RPH3A: variants seen among roughly 807,000 people sequenced by gnomAD.
RPH3A encodes rabphilin-3A.
In RPH3A, 48 loss-of-function variants were observed where a neutral mutation model predicts 102.2. The observed-to-expected ratio is 0.47, with a 90% CI of 0.37 to 0.60. RPH3A has a LOEUF of 0.60. RPH3A is among the 20% of genes least tolerant of loss of function. The probability of loss-of-function intolerance (pLI) is 0.00; values close to 1 mark genes in which losing one functional copy is unlikely to be tolerated. For missense variants in RPH3A, 781 were observed against 910.1 expected (o/e 0.86, Z 1.83); for synonymous variants, 310 against 324.3 (o/e 0.96, Z 0.47).
At chr12:112,865,655 G>T (rs936995458) in intron 6 of RPH3A, 112 bp downstream of exon 6, 1 of 1,185,944 alleles carries the variant, frequency 8.4e-7, no homozygotes, top group Non-Finnish European at 1.2e-6. Flanking sequence ...GGATCCTGAA[G>T]ATCACTTGCC....
chr12:112,862,673 G>A (rs903071762), intron 5 of RPH3A, among the ~76,000 whole-genome samples: 4 of 152,288 alleles, frequency 2.6e-5, no homozygotes, highest in African/African-American at 7.2e-5. Context: ...CTCCTCAAGC[G>A]GTTCTGTGCA....
chr12:112,732,452 T>C (rs1195256369), intron 1 of RPH3A, among the ~76,000 whole-genome samples: 2 of 152,190 alleles, frequency 1.3e-5, no homozygotes, highest in African/African-American at 4.8e-5. Flanking sequence ...GGGGTTGTAG[T>C]GAGAATTTGA....
At chr12:112,714,888 G>T (rs1272306634) in intron 1 of RPH3A, among the ~76,000 whole-genome samples, 3 of 152,082 alleles carry the variant, frequency 2.0e-5, no homozygotes, top group African/African-American at 7.2e-5. Context: ...GTCTATTTTT[G>T]CTTCTATACT....
intron 4 of RPH3A, among the ~76,000 whole-genome samples, chr12:112,844,986 G>T (rs2042205806): frequency 6.6e-6 from 1 of 152,200 alleles, no homozygotes; most frequent in Non-Finnish European, 1.5e-5. Flanking sequence ...CTCCACGTGG[G>T]CCTCTCCATG....
Position 112,846,067 on chromosome 12 carries a change from G to A in RPH3A, c.84-1629G>A, listed in dbSNP as rs562035802. ...GCCTAGTGACCAGGGGGAGCAAGGG[G>A]CAATGAGGACAGAGGGGCAGGTAAA... On this transcript the variant is annotated intron_variant, in intron 4 of 21. Transcript: ENST00000389385. Among the ~76,000 whole-genome samples, 15 of 152,332 alleles carry A rather than the reference G, an allele frequency of 9.8e-5. No homozygotes were observed. The South Asian group carries it at 2.5e-3, about 25-fold the overall frequency.
At chr12:112,632,299 C>A (rs530357675) in intron 1 of RPH3A, among the ~76,000 whole-genome samples, 4 of 152,266 alleles carry the variant, frequency 2.6e-5, no homozygotes, top group African/African-American at 9.6e-5. Flanking sequence ...AGTGTGAAAA[C>A]GGACTCATAC....
At chr12:112,782,173 A>G (rs2041014213) in intron 1 of RPH3A, among the ~76,000 whole-genome samples, 1 of 152,250 alleles carries the variant, frequency 6.6e-6, no homozygotes, top group Non-Finnish European at 1.5e-5. Context: ...CGCAATGCTT[A>G]AGAGCATGGG....
intron 1 of RPH3A, among the ~76,000 whole-genome samples, chr12:112,637,777 CA>C (rs892939687): frequency 2.6e-5 from 4 of 152,104 alleles, no homozygotes; most frequent in African/African-American, 9.7e-5. Flanking sequence ...CCATCATCAA[CA>C]GCAAGAGCAG....
intron 1 of RPH3A, among the ~76,000 whole-genome samples, chr12:112,778,405 T>C (rs1253381680): frequency 6.6e-6 from 1 of 152,186 alleles, no homozygotes; most frequent in Non-Finnish European, 1.5e-5. Flanking sequence ...ATTTTGCCCA[T>C]CCTCGATGTT....
At chr12:112,843,562 C>T (rs2042181439) in intron 4 of RPH3A, among the ~76,000 whole-genome samples, 1 of 152,262 alleles carries the variant, frequency 6.6e-6, no homozygotes, top group Admixed American at 6.5e-5. Context: ...ATTTCCTGTG[C>T]ACAGTAACAC....
intron 1 of RPH3A, among the ~76,000 whole-genome samples, chr12:112,753,278 A>T (rs1240072552): frequency 6.6e-6 from 1 of 152,146 alleles, no homozygotes; most frequent in Middle Eastern, 3.2e-3. Flanking sequence ...CCAAGTTTCA[A>T]ATTTTGTACC....
intron 1 of RPH3A, among the ~76,000 whole-genome samples, chr12:112,777,906 G>T (rs1327133240): frequency 6.6e-6 from 1 of 152,180 alleles, no homozygotes; most frequent in African/African-American, 2.4e-5. Flanking sequence ...TATTGACAAG[G>T]AAAGAATCTC....
At chr12:112,753,165 A>G (rs2040797219) in intron 1 of RPH3A, among the ~76,000 whole-genome samples, 1 of 152,036 alleles carries the variant, frequency 6.6e-6, no homozygotes, top group Admixed American at 6.6e-5. Flanking sequence ...AGACAAACAA[A>G]CACGATTCCA....
chr12:112,676,093 C>A (rs1402727557), intron 1 of RPH3A, among the ~76,000 whole-genome samples: 1 of 152,070 alleles, frequency 6.6e-6, no homozygotes, highest in Admixed American at 6.5e-5. Context: ...GCGGCCCAGA[C>A]TGGGGAGAAA....
At chr12:112,812,188 G>A (rs2041589764) in intron 2 of RPH3A, among the ~76,000 whole-genome samples, 1 of 152,194 alleles carries the variant, frequency 6.6e-6, no homozygotes. Flanking sequence ...GCTGACTGGT[G>A]AGGCCAGAGT....
At chr12:112,659,628 G>A (rs983547427) in intron 1 of RPH3A, among the ~76,000 whole-genome samples, 2 of 152,018 alleles carry the variant, frequency 1.3e-5, no homozygotes, top group Non-Finnish European at 2.9e-5. Flanking sequence ...TTTATAATTG[G>A]TATCTATTTT....
intron 4 of RPH3A, among the ~76,000 whole-genome samples, chr12:112,845,630 GT>G (rs2042217297): frequency 6.6e-6 from 1 of 152,130 alleles, no homozygotes; most frequent in South Asian, 2.1e-4. Flanking sequence ...CATGTCACCT[GT>G]ATAATTAGGC....
At chr12:112,892,488 G>A (rs1028199800) in intron 19 of RPH3A, among the ~76,000 whole-genome samples, 1 of 152,198 alleles carries the variant, frequency 6.6e-6, no homozygotes, top group Non-Finnish European at 1.5e-5. Context: ...CAAGGTGATG[G>A]AGAATCCTTG....
chr12:112,842,676 C>T (rs866017490), intron 4 of RPH3A, among the ~76,000 whole-genome samples: 17 of 152,170 alleles, frequency 1.1e-4, no homozygotes, highest in African/African-American at 3.6e-4. Context: ...CTGGAGAGGC[C>T]GTCTCACGAA....
Sources: allele counts gnomAD v4.1 joint callset (sites outside exome capture counted in the v4.1 genomes callset), GRCh38; gene constraint gnomAD v4.1.1; transcripts MANE v1.5; gene names NCBI Gene and HGNC (gene_info 2026-07-23, HGNC 2026-07-21).